NCKAP5: variants seen among roughly 807,000 people sequenced by gnomAD.
The protein encoded by NCKAP5 is nck-associated protein 5.
In NCKAP5, 92 loss-of-function variants were observed where a neutral mutation model predicts 167.0. The ratio of observed to expected loss-of-function variants is 0.55; its 90% CI spans 0.47 to 0.66. The LOEUF is 0.66. Among genes scored for constraint, NCKAP5 ranks in the 30% least tolerant of loss-of-function variants. The pLI, the probability that NCKAP5 is intolerant of heterozygous loss-of-function variation, is 0.00. For missense variants in NCKAP5, 2,378 were observed against 2,315.0 expected, an observed-to-expected ratio of 1.03 and a Z score of -0.56; for synonymous variants, 891 against 877.4, an observed-to-expected ratio of 1.02 and a Z score of -0.27.
At chr2:133,098,717 A>G (rs1366067217) in intron 6 of NCKAP5, among the ~76,000 whole-genome samples, 1 of 152,236 alleles carries the variant, frequency 6.6e-6, no homozygotes, top group African/African-American at 2.4e-5. Flanking sequence ...ATAGTTGGCC[A>G]TAATTAAAAT....
chr2:133,201,239 A>G (rs180997975), intron 5 of NCKAP5, among the ~76,000 whole-genome samples: 1 of 152,280 alleles, frequency 6.6e-6, no homozygotes, highest in Non-Finnish European at 1.5e-5. Context: ...ACAAGATGCC[A>G]TTTGATTTCA....
At chr2:133,217,164 A>G (rs553827698) in intron 4 of NCKAP5, among the ~76,000 whole-genome samples, 1 of 152,278 alleles carries the variant, frequency 6.6e-6, no homozygotes, top group East Asian at 1.9e-4. Flanking sequence ...GTTTTTAAGT[A>G]CATACTGCAA....
chr2:133,170,504 G>C (rs1418530884), intron 5 of NCKAP5, among the ~76,000 whole-genome samples: 1 of 152,184 alleles, frequency 6.6e-6, no homozygotes, highest in Non-Finnish European at 1.5e-5. Context: ...TGCAATGACT[G>C]TAACGAAGTA....
the NCKAP5 span, among the ~76,000 whole-genome samples, chr2:133,652,476 T>C: frequency 6.6e-6 from 1 of 152,228 alleles, no homozygotes; most frequent in African/African-American, 2.4e-5. Context: ...AGCAACGTAT[T>C]GACGGAGAAT....
chr2:132,852,961 ATC>A (rs1010025325), intron 11 of NCKAP5, among the ~76,000 whole-genome samples: 1 of 152,186 alleles, frequency 6.6e-6, no homozygotes, highest in African/African-American at 2.4e-5. Flanking sequence ...TGTCTAAACT[ATC>A]TCTGTGTCCT....
At chr2:133,210,754 G>A (rs2086176975) in intron 5 of NCKAP5, among the ~76,000 whole-genome samples, 1 of 152,080 alleles carries the variant, frequency 6.6e-6, no homozygotes, top group Non-Finnish European at 1.5e-5. Flanking sequence ...TAGTTACTGA[G>A]GAACAGGGAG....
chr2:133,113,926 T>G (rs901773010), intron 6 of NCKAP5, among the ~76,000 whole-genome samples: 6 of 152,146 alleles, frequency 3.9e-5, no homozygotes, highest in Admixed American at 3.3e-4. Context: ...TGGGCCAAAA[T>G]GGAACTCCAA....
At position 133,403,291 on chromosome 2, in the gene NCKAP5, G is replaced by A. The variant is rs925538662; in HGVS notation, c.70-100181C>T. 7.2e-5 allele frequency among the ~76,000 whole-genome samples: 11 copies of A among 152,226 alleles called. 1 individual carries two copies. The highest frequency in any genetic ancestry group is 2.7e-4 in the African/African-American group (11 of 41,450). On this transcript the variant is annotated intron_variant, in intron 3 of 19. Transcript: ENST00000409261. ...AAATGTCATGCACCAATGATGATTA[G>A]TGACAATTGGCATTGCCACAGTATT...
chr2:132,979,800 T>G (rs1170155290), intron 7 of NCKAP5, among the ~76,000 whole-genome samples: 3 of 152,150 alleles, frequency 2.0e-5, no homozygotes, highest in Admixed American at 6.5e-5. Context: ...GACTCCCATC[T>G]TCTCCAGAAG....
chr2:133,459,628 C>T (rs1692078167), intron 3 of NCKAP5, among the ~76,000 whole-genome samples: 1 of 152,122 alleles, frequency 6.6e-6, no homozygotes, highest in Non-Finnish European at 1.5e-5. Flanking sequence ...TGTCTGGACA[C>T]ATTTTAATAT....
chr2:133,242,183 C>A (rs1281291686), intron 4 of NCKAP5, among the ~76,000 whole-genome samples: 2 of 148,584 alleles, frequency 1.3e-5, no homozygotes, highest in Admixed American at 1.3e-4. Flanking sequence ...CTGAATTACA[C>A]ATCCACCTTC....
rs1680947984 is a variant in NCKAP5 at position 133,486,829 on chromosome 2, T to C, written c.69+30629A>G. Among the ~76,000 whole-genome samples the C allele has an allele frequency of 4.6e-5, 7 of 152,318 alleles. 1 individual carries two copies. The South Asian group carries it at 1.5e-3, about 32-fold the overall frequency. On this transcript the variant is annotated intron_variant, in intron 3 of 19. Coordinates refer to ENST00000409261, the MANE Select transcript of NCKAP5 (RefSeq NM_207363.3). ...TTAGTAAGCTATTCCCTAGAATCAT[T>C]GATGGACACCAGTTCATTCAACGGG...
At chr2:133,543,581 T>C (rs1686407622) in intron 2 of NCKAP5, among the ~76,000 whole-genome samples, 2 of 152,152 alleles carry the variant, frequency 1.3e-5, no homozygotes, top group Admixed American at 6.5e-5. Context: ...AAATGAAATT[T>C]TCATCAGCAC....
At chr2:133,086,555 T>C (rs2080998482) in intron 6 of NCKAP5, among the ~76,000 whole-genome samples, 1 of 152,084 alleles carries the variant, frequency 6.6e-6, no homozygotes, top group Admixed American at 6.6e-5. Flanking sequence ...GGTGGGAGGA[T>C]CGCCTGAGCC....
chr2:133,434,137 T>C (rs1287767023), intron 3 of NCKAP5, among the ~76,000 whole-genome samples: 2 of 152,212 alleles, frequency 1.3e-5, no homozygotes, highest in Non-Finnish European at 2.9e-5. Flanking sequence ...ATAAAAATAT[T>C]CTAGAATAAG....
intron 3 of NCKAP5, among the ~76,000 whole-genome samples, chr2:133,499,496 T>A (rs1897431): frequency 0.02 from 2,986 of 152,292 alleles, 124 homozygotes; most frequent in African/African-American, 0.068. Flanking sequence ...GCATACCACA[T>A]AAACCAGACC....
chr2:132,820,391 A>G lies in NCKAP5; in HGVS notation c.808-23662T>C, dbSNP rs1317904715. On this transcript the variant is annotated intron_variant, in intron 11 of 19. Coordinates refer to ENST00000409261, the MANE Select transcript of NCKAP5 (RefSeq NM_207363.3). The stretch of plus-strand genomic sequence containing the variant: ...ACTACAGGTGCCCGCCACCACGCCC[A>G]GCTAATTTTTGTATTTTTAGTAGAG... 4.0e-5 allele frequency among the ~76,000 whole-genome samples: 6 copies of G among 151,846 alleles called. No homozygotes were observed. In the East Asian group the frequency reaches 7.8e-4, roughly 20 times the overall value.
intron 11 of NCKAP5, among the ~76,000 whole-genome samples, chr2:132,841,502 T>C (rs1359632946): frequency 6.6e-6 from 1 of 152,148 alleles, no homozygotes; most frequent in Non-Finnish European, 1.5e-5. Context: ...CCAGTATTTA[T>C]AGTTGCCATT....
chr2:133,131,947 C>T (rs771205396), intron 5 of NCKAP5, among the ~76,000 whole-genome samples: 3 of 148,420 alleles, frequency 2.0e-5, no homozygotes, highest in Non-Finnish European at 4.5e-5. Flanking sequence ...GAAGATAGTG[C>T]TTCGATTCCA....
Sources: gnomAD v4.1 joint callset for allele counts (sites outside exome capture counted in the v4.1 genomes callset) on GRCh38, gnomAD v4.1.1 for gene constraint, MANE v1.5 for transcripts, NCBI Gene and HGNC (gene_info 2026-07-23, HGNC 2026-07-21) for gene names.